Variants in CNOT1 observed in about 807,000 individuals in gnomAD.
The protein encoded by CNOT1 is CCR4-NOT transcription complex subunit 1, also known as CCR4-associated factor 1.
In CNOT1, 15 loss-of-function variants were observed where a neutral mutation model predicts 273.8. The observed-to-expected ratio is 0.05, with a 90% CI of 0.04 to 0.08. The LOEUF (loss-of-function observed/expected upper bound fraction) is 0.08, where lower values mean the gene tolerates loss of function less well. Ranked by LOEUF, CNOT1 falls within the 10% of genes least tolerant of loss-of-function variation. The pLI, the probability that CNOT1 is intolerant of heterozygous loss-of-function variation, is 1.00. For missense variants in CNOT1, 1,644 were observed against 2,912.2 expected (o/e 0.56, Z 10.02); for synonymous variants, 1,022 against 1,005.5 (o/e 1.02, Z -0.31).
In CNOT1 at chr16:58,583,512, G is replaced by A. The variant is rs922701756; in HGVS notation, c.807-330C>T. ...AGTGGGCTCCCAAACCCCCTGCCAT[G>A]GACTGTTATCAGTCTGTGGCCTGTT... On this transcript the variant is annotated intron_variant, in intron 8 of 48. Transcript: ENST00000317147. 2.0e-5 allele frequency among the ~76,000 whole-genome samples: 3 copies of A among 152,150 alleles called. No homozygotes were observed. In the South Asian group the frequency reaches 6.2e-4, roughly 32 times the overall value.
rs1270114452 is a variant in CNOT1, at chr16:58,537,061, T to C, written c.5574A>G (p.Glu1858=). The C allele has an allele frequency of 1.2e-6, 2 of 1,614,084 alleles. No individual in the cohort carries two copies. Among genetic ancestry groups the C allele is most frequent in the Admixed American group, 1.7e-5 (1 of 60,020 alleles). ...CTGCTGAATGGTAGAGATTCACCCA[T>C]TCCCTCAGAAGATACTCTGCCTTCT... ...LREKAEYLLR[E]WVNLYHSAAA... is the part of the protein sequence containing the mutation. The change falls in exon 39 of 49, where the codon GAA becomes GAG. Residue 1858 remains glutamate, a synonymous_variant. Coordinates refer to ENST00000317147, the MANE Select transcript of CNOT1 (RefSeq NM_016284.5).
At chr16:58,597,115 G>T (rs2042290709) in intron 2 of CNOT1, among the ~76,000 whole-genome samples, 1 of 148,228 alleles carries the variant, frequency 6.7e-6, no homozygotes, top group Admixed American at 6.7e-5. Flanking sequence ...AAAAAAAAAG[G>T]ACTAAGTAGC....
intron 40 of CNOT1, chr16:58,532,647 T>C (rs1229094543): frequency 2.0e-6 from 1 of 492,748 alleles, no homozygotes; most frequent in Non-Finnish European, 3.4e-6. Context: ...AAATGCCCAA[T>C]GGTTCTTCTT....
At chr16:58,579,975 C>T (rs1458186223) in intron 12 of CNOT1, among the ~76,000 whole-genome samples, 1 of 152,086 alleles carries the variant, frequency 6.6e-6, no homozygotes, top group African/African-American at 2.4e-5. Flanking sequence ...TTTGAGAGAC[C>T]GAGGCGGATG....
chr16:58,523,623 C>A, intron 46 of CNOT1, 121 bp from the exon 47 acceptor site: 1 of 878,154 alleles, frequency 1.1e-6, no homozygotes, highest in South Asian at 2.2e-5. Flanking sequence ...TGGTTTAAAG[C>A]AGTGGTTCTT....
intron 41 of CNOT1, 23 bp from the exon 42 acceptor site, chr16:58,532,098 C>A: frequency 1.2e-6 from 2 of 1,613,660 alleles, no homozygotes; most frequent in South Asian, 2.2e-5. Flanking sequence ...AAACCTTAGT[C>A]AGAAGCACAG....
chr16:58,546,823 C>T, intron 27 of CNOT1, 74 bp from the exon 28 acceptor site: 1 of 1,577,786 alleles, frequency 6.3e-7, no homozygotes, highest in Non-Finnish European at 8.7e-7. Flanking sequence ...CAATTCAATA[C>T]AACATAAGGG....
At chr16:58,627,832 T>C (rs1029699957) in intron 1 of CNOT1, among the ~76,000 whole-genome samples, 1 of 152,106 alleles carries the variant, frequency 6.6e-6, no homozygotes, top group Non-Finnish European at 1.5e-5. Flanking sequence ...TGCGCCTTCA[T>C]TCTAGACTTT....
chr16:58,553,868 C>A lies in CNOT1; in HGVS notation c.2892-8G>T, dbSNP rs56186796. 3,786 of 1,604,230 alleles carry A rather than the reference C, an allele frequency of 2.4e-3. 88 individuals carry two copies. The African/African-American group carries it at 0.046, about 19-fold the overall frequency. On this transcript the variant is annotated splice_region_variant and splice_polypyrimidine_tract_variant and intron_variant, in intron 21 of 48. Transcript: ENST00000317147. ...TGGGGATAGTCCTTCAATCTGCCAA[C>A]AAAATTATTCTACCATCATTTCATG... is the stretch of plus-strand genomic sequence containing the variant.
chr16:58,560,483 A>AG, intron 16 of CNOT1, 121 bp from the exon 17 acceptor site: 1 of 1,450,318 alleles, frequency 6.9e-7, no homozygotes. Flanking sequence ...CCCAGACTGG[A>AG]GTGCAGTAGC....
At chr16:58,593,060 C>A (rs2042116730) in intron 2 of CNOT1, among the ~76,000 whole-genome samples, 1 of 152,100 alleles carries the variant, frequency 6.6e-6, no homozygotes, top group East Asian at 1.9e-4. Context: ...AGTAAAAACA[C>A]AAAGAATCAG....
At chr16:58,616,654 T>A (rs2043095116) in intron 1 of CNOT1, among the ~76,000 whole-genome samples, 1 of 152,180 alleles carries the variant, frequency 6.6e-6, no homozygotes, top group South Asian at 2.1e-4. Flanking sequence ...TTATTTTTCA[T>A]AATCTTATTT....
chr16:58,601,671 G>A (rs1217600066), intron 1 of CNOT1, among the ~76,000 whole-genome samples: 1 of 143,214 alleles, frequency 7.0e-6, no homozygotes, highest in East Asian at 2.0e-4. Flanking sequence ...AATGTATAAA[G>A]GATACATAGT....
rs754338444 is a variant in CNOT1 at position 58,627,403 on chromosome 16, C to CAAAAAAAAAAAA, written c.-175+2313_-175+2324dup. ...CTGGTGACAGAGCGAGACTCCATCT[C>CAAAAAAAAAAAA]AAAAAAAAAAAAAAAAAAAAAGTTT... On this transcript the variant is annotated intron_variant, in intron 1 of 48. Transcript: ENST00000317147. 4.6e-5 allele frequency among the ~76,000 whole-genome samples: 3 copies of CAAAAAAAAAAAA among 65,164 alleles called. 1 individual carries two copies. Among genetic ancestry groups the CAAAAAAAAAAAA allele is most frequent in the African/African-American group, 2.1e-4 (3 of 13,986 alleles). The allele number at this position is 65,164 out of a possible 152,430, so 42.8% of individuals were successfully genotyped here. A position where few individuals can be genotyped will look rare whatever the true frequency, so the allele number is the denominator to read the frequency against.
At chr16:58,539,673 C>G in intron 35 of CNOT1, 95 bp downstream of exon 35, 1 of 1,241,252 alleles carries the variant, frequency 8.1e-7, no homozygotes, top group Non-Finnish European at 1.1e-6. Flanking sequence ...ATTATGAAAT[C>G]TTAAGCATAA....
intron 5 of CNOT1, 28 bp downstream of exon 5, chr16:58,587,317 T>C: frequency 6.2e-7 from 1 of 1,613,784 alleles, no homozygotes; most frequent in South Asian, 1.1e-5. Flanking sequence ...TCTAGTTTTG[T>C]CTACATCTCT....
At chr16:58,618,237 G>A (rs1225365831) in intron 1 of CNOT1, among the ~76,000 whole-genome samples, 4 of 151,956 alleles carry the variant, frequency 2.6e-5, no homozygotes, top group Non-Finnish European at 4.4e-5. Context: ...AGGAGTTCAA[G>A]GCTGCATTGA....
At chr16:58,592,058 T>C (rs62067305) in intron 2 of CNOT1, among the ~76,000 whole-genome samples, 6,610 of 152,234 alleles carry the variant, frequency 0.043, 419 homozygotes, top group East Asian at 0.26. Context: ...TATATTAAGA[T>C]TTTGCTACCA....
chr16:58,617,304 T>A (rs929993406), intron 1 of CNOT1, among the ~76,000 whole-genome samples: 3 of 152,016 alleles, frequency 2.0e-5, no homozygotes, highest in African/African-American at 7.2e-5. Flanking sequence ...GAGGCTACAG[T>A]GAGCCATGAT....
Sources: allele counts gnomAD v4.1 joint callset (sites outside exome capture counted in the v4.1 genomes callset), GRCh38; gene constraint gnomAD v4.1.1; transcripts MANE v1.5; gene names NCBI Gene and HGNC (gene_info 2026-07-23, HGNC 2026-07-21).